The following FGF12 variants were observed in gnomAD, a reference collection of about 807,000 sequenced individuals.
FGF12 encodes fibroblast growth factor 12B.
In FGF12, 14 loss-of-function variants were observed where a neutral mutation model predicts 23.6. That is an observed-to-expected ratio of 0.59 (90% CI 0.39 to 0.93). The LOEUF (loss-of-function observed/expected upper bound fraction) is 0.93, where lower values mean the gene tolerates loss of function less well. FGF12 is among the 40% of genes least tolerant of loss of function. The pLI is 0.00. For missense variants in FGF12, 175 were observed against 217.8 expected (o/e 0.80, Z 1.24); for synonymous variants, 62 against 77.3 (o/e 0.80, Z 1.04).
intron 2 of FGF12, among the ~76,000 whole-genome samples, chr3:192,583,740 TA>T (rs1341388851): frequency 6.6e-6 from 1 of 152,226 alleles, no homozygotes; most frequent in Non-Finnish European, 1.5e-5. Context: ...CATCAGTAAC[TA>T]GATTTCTATC....
At chr3:192,551,145 C>T (rs550034893) in intron 2 of FGF12, among the ~76,000 whole-genome samples, 4 of 152,322 alleles carry the variant, frequency 2.6e-5, no homozygotes, top group African/African-American at 4.8e-5. Context: ...TGGTGCAGGA[C>T]TGTCATATTT....
intron 4 of FGF12, among the ~76,000 whole-genome samples, chr3:192,268,072 A>C (rs1219645316): frequency 6.6e-6 from 1 of 152,210 alleles, no homozygotes; most frequent in East Asian, 1.9e-4. Context: ...ACATGAATAC[A>C]CAACCCAGCA....
chr3:192,524,655 G>T (rs887677934), intron 2 of FGF12, among the ~76,000 whole-genome samples: 1 of 152,160 alleles, frequency 6.6e-6, no homozygotes, highest in African/African-American at 2.4e-5. Context: ...ATATCTTTCT[G>T]CCTGTGCAGA....
intron 2 of FGF12, among the ~76,000 whole-genome samples, chr3:192,393,600 C>G (rs1200545847): frequency 6.6e-6 from 1 of 151,914 alleles, no homozygotes; most frequent in African/African-American, 2.4e-5. Flanking sequence ...TGTAATCATA[C>G]TGCACAGATA....
At chr3:192,690,480 T>C (rs1717905859) in intron 2 of FGF12, among the ~76,000 whole-genome samples, 1 of 148,958 alleles carries the variant, frequency 6.7e-6, no homozygotes, top group Admixed American at 6.8e-5. Context: ...AAAGTAGACA[T>C]ACAGGTATAA....
intron 2 of FGF12, among the ~76,000 whole-genome samples, chr3:192,640,136 G>A (rs1266829620): frequency 6.6e-6 from 1 of 152,088 alleles, no homozygotes; most frequent in African/African-American, 2.4e-5. Flanking sequence ...TGGAGGATGT[G>A]GTACAACATG....
chr3:192,505,031 A>G (rs1320371963), intron 2 of FGF12, among the ~76,000 whole-genome samples: 2 of 152,166 alleles, frequency 1.3e-5, no homozygotes, highest in Non-Finnish European at 2.9e-5. Flanking sequence ...ACACACAAAA[A>G]TCTAAATATC....
intron 2 of FGF12, among the ~76,000 whole-genome samples, chr3:192,541,699 G>A (rs1725369859): frequency 4.0e-5 from 6 of 151,710 alleles, no homozygotes; most frequent in Admixed American, 3.9e-4. Flanking sequence ...ACATTTCTTG[G>A]AGGACATGTC....
intron 4 of FGF12, among the ~76,000 whole-genome samples, chr3:192,253,451 A>G (rs540241432): frequency 2.6e-5 from 4 of 152,244 alleles, no homozygotes; most frequent in Admixed American, 2.6e-4. Flanking sequence ...GAAGAACAAA[A>G]GTAAGAAAGA....
At chr3:192,305,666 G>T (rs969229796) in intron 4 of FGF12, among the ~76,000 whole-genome samples, 2 of 125,174 alleles carry the variant, frequency 1.6e-5, no homozygotes, top group South Asian at 2.8e-4. Flanking sequence ...GGTGGCTTAG[G>T]AAAAAAAAAA....
intron 2 of FGF12, among the ~76,000 whole-genome samples, chr3:192,628,361 C>G (rs1715252839): frequency 6.6e-6 from 1 of 151,224 alleles, no homozygotes; most frequent in East Asian, 1.9e-4. Flanking sequence ...TGGAATAAAA[C>G]TCAAGAGCAT....
At chr3:192,145,764 C>A (rs982747014) in intron 5 of FGF12, among the ~76,000 whole-genome samples, 2 of 152,172 alleles carry the variant, frequency 1.3e-5, no homozygotes, top group East Asian at 3.8e-4. Flanking sequence ...AGGAAACCAG[C>A]TCAGAGAGTA....
At chr3:192,388,508 T>C (rs1208985090) in intron 2 of FGF12, among the ~76,000 whole-genome samples, 1 of 145,868 alleles carries the variant, frequency 6.9e-6, no homozygotes, top group Non-Finnish European at 1.5e-5. Context: ...TTTTCTCAGA[T>C]GTTGTAGAGA....
intron 4 of FGF12, among the ~76,000 whole-genome samples, chr3:192,266,004 G>GT (rs1192801781): frequency 6.6e-6 from 1 of 152,130 alleles, no homozygotes; most frequent in African/African-American, 2.4e-5. Flanking sequence ...TTAGCAGACT[G>GT]TTTTGCACAT....
chr3:192,312,895 CTATAA>C (rs1309401370), intron 4 of FGF12, among the ~76,000 whole-genome samples: 1 of 152,050 alleles, frequency 6.6e-6, no homozygotes, highest in Non-Finnish European at 1.5e-5. Context: ...ATTAAAGCAT[CTATAA>C]TATAACTTGG....
At chr3:192,722,798 G>A (rs532343690) in intron 2 of FGF12, among the ~76,000 whole-genome samples, 18 of 152,258 alleles carry the variant, frequency 1.2e-4, no homozygotes, top group East Asian at 1.9e-4. Flanking sequence ...TTTTGCCCAC[G>A]AGAAGGTTAA....
chr3:192,334,690 A>G (rs1717303047), intron 4 of FGF12, among the ~76,000 whole-genome samples: 1 of 152,154 alleles, frequency 6.6e-6, no homozygotes, highest in Non-Finnish European at 1.5e-5. Flanking sequence ...TTGGGATTTG[A>G]AAGACATGAT....
intron 2 of FGF12, among the ~76,000 whole-genome samples, chr3:192,479,358 T>C (rs1472365047): frequency 6.6e-6 from 1 of 152,172 alleles, no homozygotes; most frequent in Non-Finnish European, 1.5e-5. Flanking sequence ...AGTCCCAGGC[T>C]CCATCTGAGT....
intron 2 of FGF12, among the ~76,000 whole-genome samples, chr3:192,696,914 A>AT (rs939644915): frequency 2.6e-5 from 4 of 151,814 alleles, no homozygotes; most frequent in Non-Finnish European, 4.4e-5. Flanking sequence ...ACTGTAATGC[A>AT]TTTTTTTTAA....
Sources: gnomAD v4.1 joint callset for allele counts (sites outside exome capture counted in the v4.1 genomes callset) on GRCh38, gnomAD v4.1.1 for gene constraint, MANE v1.5 for transcripts, NCBI Gene and HGNC (gene_info 2026-07-23, HGNC 2026-07-21) for gene names.